The following NCKAP5 variants were observed in gnomAD, a reference collection of about 807,000 sequenced individuals.
NCKAP5 encodes NCK associated protein 5.
NCKAP5 carries 92 observed loss-of-function variants against 167.0 expected under a neutral mutation model. That is an observed-to-expected ratio of 0.55 (90% CI 0.47 to 0.66). The LOEUF (loss-of-function observed/expected upper bound fraction) is 0.66. Ranked by LOEUF, NCKAP5 falls within the 30% of genes least tolerant of loss-of-function variation. NCKAP5 has a pLI of 0.00. For missense variants in NCKAP5, 2,378 were observed against 2,315.0 expected, an observed-to-expected ratio of 1.03 and a Z score of -0.56; for synonymous variants, 891 against 877.4, an observed-to-expected ratio of 1.02 and a Z score of -0.27.
intron 6 of NCKAP5, among the ~76,000 whole-genome samples, chr2:133,046,433 G>A (rs1037754656): frequency 6.6e-6 from 1 of 151,944 alleles, no homozygotes; most frequent in Non-Finnish European, 1.5e-5. Context: ...GGCTGGAGTG[G>A]AGTGGTGTGA....
At chr2:132,677,355 A>G (rs1257504895) in intron 19 of NCKAP5, among the ~76,000 whole-genome samples, 1 of 152,176 alleles carries the variant, frequency 6.6e-6, no homozygotes, top group African/African-American at 2.4e-5. Context: ...ATTAGTGATA[A>G]TTCAAGCAAG....
At chr2:132,968,801 G>C (rs1255248937) in intron 7 of NCKAP5, among the ~76,000 whole-genome samples, 3 of 152,138 alleles carry the variant, frequency 2.0e-5, no homozygotes, top group African/African-American at 4.8e-5. Context: ...AGTTTGGCAG[G>C]GAAGGAAATC....
chr2:133,317,629 G>A (rs1681707897), intron 3 of NCKAP5, among the ~76,000 whole-genome samples: 1 of 152,128 alleles, frequency 6.6e-6, no homozygotes, highest in Non-Finnish European at 1.5e-5. Flanking sequence ...CTAATGTTAT[G>A]TGGAGAGCCC....
intron 6 of NCKAP5, among the ~76,000 whole-genome samples, chr2:133,099,646 A>C (rs1375208328): frequency 6.6e-6 from 1 of 152,156 alleles, no homozygotes; most frequent in East Asian, 1.9e-4. Flanking sequence ...AAATGATCAG[A>C]TAGATAGTAC....
chr2:133,660,956 A>T, the NCKAP5 span, among the ~76,000 whole-genome samples: 1 of 85,178 alleles, frequency 1.2e-5, no homozygotes, highest in African/African-American at 1.3e-4. Context: ...ACAGGCTTGC[A>T]AAAAAAAAAA....
chr2:132,713,949 T>C (rs968249268), intron 19 of NCKAP5, among the ~76,000 whole-genome samples: 1 of 152,238 alleles, frequency 6.6e-6, no homozygotes, highest in African/African-American at 2.4e-5. Context: ...TATTCATTTA[T>C]AATAAAATCC....
chr2:133,475,040 A>C (rs1679760838), intron 3 of NCKAP5, among the ~76,000 whole-genome samples: 1 of 151,990 alleles, frequency 6.6e-6, no homozygotes, highest in Non-Finnish European at 1.5e-5. Flanking sequence ...CAAACTCCTG[A>C]CCTCGTGATC....
At chr2:133,590,268 A>G in the NCKAP5 span, among the ~76,000 whole-genome samples, 2 of 151,914 alleles carry the variant, frequency 1.3e-5, no homozygotes, top group Non-Finnish European at 2.9e-5. Context: ...AGGTGGGCAG[A>G]TCACGAGGTT....
chr2:132,840,012 G>T (rs1012677475), intron 11 of NCKAP5, among the ~76,000 whole-genome samples: 2 of 152,066 alleles, frequency 1.3e-5, no homozygotes, highest in African/African-American at 2.4e-5. Context: ...TGAATTGTTT[G>T]TCTGACATGT....
intron 3 of NCKAP5, among the ~76,000 whole-genome samples, chr2:133,402,062 A>C (rs929534771): frequency 1.7e-4 from 26 of 151,780 alleles, no homozygotes; most frequent in African/African-American, 5.1e-4. Context: ...GAAGCTTTAA[A>C]ATTTTGTGTC....
intron 2 of NCKAP5, among the ~76,000 whole-genome samples, chr2:133,558,704 CAAAAAAAA>C (rs60051493): frequency 3.9e-5 from 2 of 50,870 alleles, no homozygotes; most frequent in East Asian, 7.3e-4. Context: ...ATGTGCTGAG[CAAAAAAAA>C]AAAAAAAAAA....
chr2:133,625,645 C>A, the NCKAP5 span, among the ~76,000 whole-genome samples: 1 of 151,976 alleles, frequency 6.6e-6, no homozygotes, highest in African/African-American at 2.4e-5. Context: ...CCGAGACGGG[C>A]GGATCACGAG....
intron 5 of NCKAP5, among the ~76,000 whole-genome samples, chr2:133,137,406 TTGTG>T (rs58955655): frequency 0.097 from 13,252 of 136,044 alleles, 610 homozygotes; most frequent in African/African-American, 0.13. Context: ...GAGCTTGGTT[TTGTG>T]TGTGTGTGTG....
intron 12 of NCKAP5, among the ~76,000 whole-genome samples, chr2:132,795,625 C>T (rs1684516483): frequency 6.6e-6 from 1 of 151,934 alleles, no homozygotes; most frequent in South Asian, 2.1e-4. Context: ...TCGAGACCAG[C>T]CTGACTAACA....
chr2:133,447,143 C>T (rs1314091034), intron 3 of NCKAP5, among the ~76,000 whole-genome samples: 1 of 152,134 alleles, frequency 6.6e-6, no homozygotes, highest in African/African-American at 2.4e-5. Context: ...ACTTTGAACT[C>T]CATCTCTACC....
At chr2:132,679,908 C>A (rs185921706) in intron 19 of NCKAP5, among the ~76,000 whole-genome samples, 1 of 152,182 alleles carries the variant, frequency 6.6e-6, no homozygotes, top group Admixed American at 6.5e-5. Flanking sequence ...GTGCTATTTG[C>A]GAAGGGCAGG....
At chr2:133,171,609 G>A (rs1271702236) in intron 5 of NCKAP5, among the ~76,000 whole-genome samples, 1 of 152,188 alleles carries the variant, frequency 6.6e-6, no homozygotes, top group Non-Finnish European at 1.5e-5. Flanking sequence ...CTCTTCTGGT[G>A]GAAAGCCTGA....
rs181329805 is a variant in NCKAP5, at chr2:132,991,899, T to C, written c.429+2253A>G. Among the ~76,000 whole-genome samples, 13 of 152,314 alleles carry C rather than the reference T, an allele frequency of 8.5e-5. No individual in the cohort carries two copies. In the East Asian group the frequency reaches 2.5e-3, roughly 29 times the overall value. ...CACTAGTATCACCACGCATACATCATGCATAAACTATTTTGCCGCTATTAG... is the reference window on the plus strand; with the variant it reads ...CACTAGTATCACCACGCATACATCACGCATAAACTATTTTGCCGCTATTAG... On this transcript the variant is annotated intron_variant, in intron 7 of 19. Coordinates refer to ENST00000409261, the MANE Select transcript of NCKAP5 (RefSeq NM_207363.3).
intron 4 of NCKAP5, among the ~76,000 whole-genome samples, chr2:133,219,284 A>G (rs547980390): frequency 6.6e-6 from 1 of 152,342 alleles, no homozygotes; most frequent in Non-Finnish European, 1.5e-5. Context: ...AACTGGGGAA[A>G]TTGCCTAGGT....
Sources: gnomAD v4.1 joint callset for allele counts (sites outside exome capture counted in the v4.1 genomes callset) on GRCh38, gnomAD v4.1.1 for gene constraint, MANE v1.5 for transcripts, NCBI Gene and HGNC (gene_info 2026-07-23, HGNC 2026-07-21) for gene names.